Variants in ARHGAP44 observed in about 807,000 individuals in gnomAD.
ARHGAP44 encodes Rho GTPase activating protein 44.
In ARHGAP44, 43 loss-of-function variants were observed where a neutral mutation model predicts 106.8. The observed-to-expected ratio is 0.40, with a 90% CI of 0.32 to 0.52. ARHGAP44 has a LOEUF of 0.52. Among genes scored for constraint, ARHGAP44 ranks in the 20% least tolerant of loss-of-function variants. The pLI is 0.48. For missense variants in ARHGAP44, 866 were observed against 1,050.5 expected (o/e 0.82, Z 2.43); for synonymous variants, 439 against 410.3 (o/e 1.07, Z -0.85).
At chr17:12,897,539 A>G (rs970822559) in intron 3 of ARHGAP44, among the ~76,000 whole-genome samples, 2 of 151,528 alleles carry the variant, frequency 1.3e-5, no homozygotes, top group Admixed American at 6.6e-5. Context: ...AAAAATATCT[A>G]TAGAAATAAT....
At chr17:12,909,085 T>G in intron 4 of ARHGAP44, 112 bp downstream of exon 4, 1 of 903,306 alleles carries the variant, frequency 1.1e-6, no homozygotes, top group Non-Finnish European at 1.7e-6. Context: ...GGGACTTTAG[T>G]GGAAAAAAGG....
At chr17:12,907,740 C>T (rs79212975) in intron 3 of ARHGAP44, among the ~76,000 whole-genome samples, 1 of 152,074 alleles carries the variant, frequency 6.6e-6, no homozygotes, top group Non-Finnish European at 1.5e-5. Context: ...TGAGTTGTTC[C>T]CACCTTTTGG....
chr17:12,984,665 C>T lies in ARHGAP44; in HGVS notation c.2074C>T (p.Leu692=). ...TPPSTPSPYG[L]SYPQGYSLAS... ...GCCCAGCACCCCGTCACCCTATGGA[C>T]TGAGCTACCCTCAGGGGTACTCCTT... The change falls in exon 20 of 21, where the codon CTG becomes TTG. Residue 692 remains leucine, a synonymous_variant. Coordinates refer to ENST00000379672, the MANE Select transcript of ARHGAP44 (RefSeq NM_014859.6). The T allele has an allele frequency of 6.2e-7, 1 of 1,613,216 alleles. No homozygotes were observed. Among genetic ancestry groups the T allele is most frequent in the South Asian group, 1.1e-5 (1 of 91,030 alleles).
intron 1 of ARHGAP44, among the ~76,000 whole-genome samples, chr17:12,857,589 C>T (rs1392539051): frequency 6.6e-6 from 1 of 152,120 alleles, no homozygotes; most frequent in Non-Finnish European, 1.5e-5. Flanking sequence ...AAGTTTCCAG[C>T]ACATGAAAGT....
chr17:12,914,301 C>T (rs1182424478), intron 4 of ARHGAP44, among the ~76,000 whole-genome samples: 4 of 152,206 alleles, frequency 2.6e-5, no homozygotes, highest in Non-Finnish European at 2.9e-5. Flanking sequence ...GGGCATAGGG[C>T]AATGGGAACT....
chr17:12,956,066 T>A lies in ARHGAP44; in HGVS notation c.1250+86T>A, dbSNP rs1297882107. ...GTGGGCAGGACAGCTGGGGCCTAGC[T>A]GAGCACCAGCCTCATGTATTTTCCA... On this transcript the variant is annotated intron_variant, in intron 14 of 20. Coordinates refer to ENST00000379672, the MANE Select transcript of ARHGAP44 (RefSeq NM_014859.6). 8 of 906,192 alleles carry A rather than the reference T, an allele frequency of 8.8e-6. No homozygotes were observed. In the Admixed American group the frequency reaches 1.8e-4, roughly 21 times the overall value. The allele number at this position is 906,192 out of a possible 1,614,324, so 56.1% of individuals were successfully genotyped here. A position where few individuals can be genotyped will look rare whatever the true frequency, so the allele number is the denominator to read the frequency against.
chr17:12,911,563 G>A (rs1308314387), intron 4 of ARHGAP44, among the ~76,000 whole-genome samples: 2 of 152,168 alleles, frequency 1.3e-5, no homozygotes, highest in Non-Finnish European at 2.9e-5. Context: ...GTCTTTGGGG[G>A]TGGAGTGGGT....
chr17:12,792,132 C>A (rs1186711513), intron 1 of ARHGAP44, among the ~76,000 whole-genome samples: 1 of 152,182 alleles, frequency 6.6e-6, no homozygotes, highest in Non-Finnish European at 1.5e-5. Context: ...CTCATATCCA[C>A]CTTGAGGATT....
chr17:12,889,951 A>G (rs2036993105), intron 1 of ARHGAP44, among the ~76,000 whole-genome samples: 1 of 152,190 alleles, frequency 6.6e-6, no homozygotes. Context: ...CTAGAGAATC[A>G]TTTTTACTCC....
chr17:12,899,020 G>A (rs2037296773), intron 3 of ARHGAP44, among the ~76,000 whole-genome samples: 1 of 151,964 alleles, frequency 6.6e-6, no homozygotes, highest in Non-Finnish European at 1.5e-5. Context: ...CACCAGGCTG[G>A]AGTGCAGTGG....
At chr17:12,864,441 CT>C (rs1427494338) in intron 1 of ARHGAP44, among the ~76,000 whole-genome samples, 3 of 152,072 alleles carry the variant, frequency 2.0e-5, no homozygotes, top group African/African-American at 7.2e-5. Flanking sequence ...GTCTGAATTA[CT>C]CCTTGTGATT....
At position 12,887,849 on chromosome 17, in the gene ARHGAP44, G is replaced by A. The variant is rs188419074; in HGVS notation, c.54-7091G>A. ...TCAAATGATCTATTTCATATTATGT[G>A]TATTGCAATCATTTTTGTTTTTTTT... is the stretch of plus-strand genomic sequence containing the variant. On this transcript the variant is annotated intron_variant, in intron 1 of 20. Transcript: ENST00000379672. Among the ~76,000 whole-genome samples the A allele has an allele frequency of 4.6e-3, 683 of 148,752 alleles. 3 individuals carry two copies. Among genetic ancestry groups the A allele is most frequent in the Non-Finnish European group, 8.1e-3 (545 of 67,326 alleles).
intron 6 of ARHGAP44, among the ~76,000 whole-genome samples, chr17:12,922,046 A>C (rs1279667434): frequency 1.3e-5 from 2 of 152,226 alleles, no homozygotes; most frequent in South Asian, 4.1e-4. Flanking sequence ...AAGAGAGTTG[A>C]TTACTTTTTC....
chr17:12,963,199 C>G (rs1479415626), intron 16 of ARHGAP44, among the ~76,000 whole-genome samples: 2 of 152,078 alleles, frequency 1.3e-5, no homozygotes, highest in Admixed American at 1.3e-4. Flanking sequence ...CTTTGCTTGT[C>G]CTCCCAGGGA....
At chr17:12,927,046 A>G (rs534474098) in intron 6 of ARHGAP44, among the ~76,000 whole-genome samples, 259 of 152,334 alleles carry the variant, frequency 1.7e-3, no homozygotes, top group African/African-American at 6.1e-3. Context: ...CCTTTATAAG[A>G]AAAAATTACC....
At chr17:12,872,239 A>C (rs1196493966) in intron 1 of ARHGAP44, among the ~76,000 whole-genome samples, 1 of 152,134 alleles carries the variant, frequency 6.6e-6, no homozygotes, top group Non-Finnish European at 1.5e-5. Context: ...ATATGCCTTC[A>C]TACCTTCCAA....
At chr17:12,904,232 G>A (rs890728279) in intron 3 of ARHGAP44, among the ~76,000 whole-genome samples, 3 of 151,752 alleles carry the variant, frequency 2.0e-5, no homozygotes, top group Admixed American at 6.6e-5. Flanking sequence ...TCAGCCTCCC[G>A]AGTAGCTGGG....
intron 3 of ARHGAP44, among the ~76,000 whole-genome samples, chr17:12,904,745 A>G (rs1443714671): frequency 6.6e-6 from 1 of 152,224 alleles, no homozygotes. Context: ...AGACGCACAC[A>G]CATGTATGTA....
chr17:12,935,222 A>AT (rs746344184), intron 7 of ARHGAP44, among the ~76,000 whole-genome samples: 32 of 152,316 alleles, frequency 2.1e-4, no homozygotes, highest in Non-Finnish European at 4.4e-4. Flanking sequence ...TTAAAAAAAT[A>AT]TTTACTTATG....
Sources: gnomAD v4.1 joint callset for allele counts (sites outside exome capture counted in the v4.1 genomes callset) on GRCh38, gnomAD v4.1.1 for gene constraint, MANE v1.5 for transcripts, NCBI Gene and HGNC (gene_info 2026-07-23, HGNC 2026-07-21) for gene names.